Variants in L3MBTL3 observed in about 807,000 individuals in gnomAD.
L3MBTL3 encodes the protein lethal(3)malignant brain tumor-like protein 3.
L3MBTL3 carries 27 observed loss-of-function variants against 102.3 expected under a neutral mutation model. The observed-to-expected ratio is 0.26, with a 90% confidence interval of 0.19 to 0.36. The LOEUF (loss-of-function observed/expected upper bound fraction) is 0.36. Ranked by LOEUF, L3MBTL3 falls within the 10% of genes least tolerant of loss-of-function variation. The probability of loss-of-function intolerance (pLI) is 1.00; values close to 1 mark genes in which losing one functional copy is unlikely to be tolerated. For missense variants in L3MBTL3, 798 were observed against 955.3 expected (o/e 0.84, Z 2.17); for synonymous variants, 340 against 320.9 (o/e 1.06, Z -0.64).
chr6:130,138,682 G>A (rs369187970), intron 22 of L3MBTL3, among the ~76,000 whole-genome samples: 6 of 152,208 alleles, frequency 3.9e-5, no homozygotes, highest in Middle Eastern at 3.4e-3. Context: ...AACGGAGTGC[G>A]TTGCTGTCAA....
chr6:130,097,088 A>G (rs1174488996), intron 18 of L3MBTL3, among the ~76,000 whole-genome samples: 5 of 152,198 alleles, frequency 3.3e-5, no homozygotes, highest in Admixed American at 1.3e-4. Flanking sequence ...CAGTCTTCGA[A>G]CTGGATTTTC....
At chr6:130,070,906 CAG>C (rs1198677716) in intron 12 of L3MBTL3, 68 bp from the exon 13 acceptor site, 36 of 1,199,686 alleles carry the variant, frequency 3.0e-5, no homozygotes, top group Non-Finnish European at 4.1e-5. Context: ...GCAGGAGGTG[CAG>C]AGAGTGTGCA....
chr6:130,058,201 T>C (rs1206684537), intron 9 of L3MBTL3, among the ~76,000 whole-genome samples: 1 of 147,684 alleles, frequency 6.8e-6, no homozygotes, highest in African/African-American at 2.5e-5. Flanking sequence ...TTACATATTA[T>C]CACAGCAAAA....
intron 18 of L3MBTL3, among the ~76,000 whole-genome samples, chr6:130,102,609 G>A (rs540177893): frequency 7.7e-4 from 117 of 152,150 alleles, no homozygotes; most frequent in Non-Finnish European, 1.4e-3. Flanking sequence ...TGCTTCTCCC[G>A]GTTCATCTCA....
At chr6:130,112,448 G>T (rs1216135810) in intron 19 of L3MBTL3, among the ~76,000 whole-genome samples, 1 of 152,186 alleles carries the variant, frequency 6.6e-6, no homozygotes, top group Non-Finnish European at 1.5e-5. Context: ...ATTATTAAAT[G>T]TTGAGATAAA....
At chr6:130,111,448 G>A (rs569104466) in intron 19 of L3MBTL3, among the ~76,000 whole-genome samples, 23 of 152,294 alleles carry the variant, frequency 1.5e-4, no homozygotes, top group Non-Finnish European at 2.8e-4. Flanking sequence ...GGAAATCAGC[G>A]CAGGTGAGAC....
intron 14 of L3MBTL3, among the ~76,000 whole-genome samples, chr6:130,079,816 C>CACT: frequency 2.0e-5 from 3 of 152,284 alleles, no homozygotes; most frequent in African/African-American, 7.2e-5. Context: ...CTCAGGAGGA[C>CACT]CTATCATTCC....
intron 12 of L3MBTL3, among the ~76,000 whole-genome samples, chr6:130,070,198 T>C (rs1296582355): frequency 6.6e-6 from 1 of 152,208 alleles, no homozygotes; most frequent in African/African-American, 2.4e-5. Context: ...TATACTAGTC[T>C]ATAATATGTA....
intron 13 of L3MBTL3, among the ~76,000 whole-genome samples, chr6:130,074,366 C>A (rs1782821671): frequency 6.6e-6 from 1 of 152,172 alleles, no homozygotes; most frequent in Admixed American, 6.5e-5. Context: ...ATGGCTTCAC[C>A]TCTGGGTTTC....
At chr6:130,026,582 T>C (rs530827521) in intron 2 of L3MBTL3, among the ~76,000 whole-genome samples, 8 of 131,012 alleles carry the variant, frequency 6.1e-5, no homozygotes, top group Admixed American at 3.8e-4. Context: ...TACTTTCTTC[T>C]TTTTTTTTTC....
At position 130,095,321 on chromosome 6, in the gene L3MBTL3, A is replaced by T. The variant is rs534298376; in HGVS notation, c.1736+954A>T. Among the ~76,000 whole-genome samples the T allele has an allele frequency of 4.6e-5, 7 of 152,190 alleles. No homozygotes were observed. The South Asian group carries it at 1.5e-3, about 32-fold the overall frequency. ...AATTGTTGTAATTATTTTCATGTGG[A>T]TATAGTTTTCTCTTTTTTTCATCTC... On this transcript the variant is annotated intron_variant, in intron 18 of 22. Coordinates refer to ENST00000361794, the MANE Select transcript of L3MBTL3 (RefSeq NM_032438.4).
chr6:130,094,508 G>T (rs1052303565), intron 18 of L3MBTL3, 141 bp downstream of exon 18: 1 of 464,140 alleles, frequency 2.2e-6, no homozygotes, highest in Admixed American at 4.1e-5. Flanking sequence ...TGGTGATCAT[G>T]TAAAAATGAA....
At chr6:130,109,534 C>T (rs1785219769) in intron 19 of L3MBTL3, among the ~76,000 whole-genome samples, 1 of 152,148 alleles carries the variant, frequency 6.6e-6, no homozygotes. Context: ...ATATCCTTTA[C>T]CCACTTTTTG....
chr6:130,066,286 G>GTGTA (rs1554227522), intron 10 of L3MBTL3, 67 bp from the exon 11 acceptor site: 5 of 384,426 alleles, frequency 1.3e-5, no homozygotes, highest in African/African-American at 2.1e-5. Context: ...TTATTTTTGT[G>GTGTA]TATATATATA....
rs145245576 is a variant in L3MBTL3, at chr6:130,093,352, A to G, written c.1633+493A>G. 3.9e-5 allele frequency among the ~76,000 whole-genome samples: 6 copies of G among 152,312 alleles called. No homozygotes were observed. In the East Asian group the frequency reaches 9.7e-4, roughly 25 times the overall value. ...AGAAAAGGTACGTGGAGAACTTAAC[A>G]TACCACGGCCTTAATTTTGGAGTAA... On this transcript the variant is annotated intron_variant, in intron 17 of 22. Coordinates refer to ENST00000361794, the MANE Select transcript of L3MBTL3 (RefSeq NM_032438.4).
chr6:130,140,354 G>T lies in L3MBTL3; in HGVS notation c.*601G>T, dbSNP rs1162638013. On this transcript the variant is annotated 3_prime_UTR_variant, in exon 23 of 23. Transcript: ENST00000361794. ...ATAGTTGTAAGAATGACTTTTCTTT[G>T]AATCAGTATTTTTCCTTTTGCACGC... The T allele has an allele frequency of 6.6e-6, 1 of 152,472 alleles. No individual in the cohort carries two copies. The highest frequency in any genetic ancestry group is 1.5e-5 in the Non-Finnish European group (1 of 68,000). The allele number at this position is 152,472 out of a possible 1,614,324, so 9.4% of individuals were successfully genotyped here.
chr6:130,100,260 G>A (rs1417145239), intron 18 of L3MBTL3, among the ~76,000 whole-genome samples: 2 of 152,110 alleles, frequency 1.3e-5, no homozygotes, highest in African/African-American at 2.4e-5. Context: ...ACAGAATCTC[G>A]GAGCCTGTGC....
intron 11 of L3MBTL3, among the ~76,000 whole-genome samples, chr6:130,067,105 G>A (rs896877462): frequency 1.3e-5 from 2 of 152,090 alleles, no homozygotes; most frequent in African/African-American, 4.8e-5. Context: ...TTCACTGTCT[G>A]CCTAAAGTAT....
At chr6:130,078,661 A>G in intron 14 of L3MBTL3, 27 bp downstream of exon 14, 2 of 1,460,682 alleles carry the variant, frequency 1.4e-6, no homozygotes, top group Non-Finnish European at 1.9e-6. Context: ...TGTGGCTAAT[A>G]CTATTCGTAG....
Sources: gnomAD v4.1 joint callset for allele counts (sites outside exome capture counted in the v4.1 genomes callset) on GRCh38, gnomAD v4.1.1 for gene constraint, MANE v1.5 for transcripts, NCBI Gene and HGNC (gene_info 2026-07-23, HGNC 2026-07-21) for gene names.